ADAMTS12: variants seen among roughly 807,000 people sequenced by gnomAD.
The protein encoded by ADAMTS12 is ADAM metallopeptidase with thrombospondin type 1 motif 12, also known as A disintegrin and metalloproteinase with thrombospondin motifs 12.
A neutral mutation model predicts 167.8 loss-of-function variants in ADAMTS12; 118 were observed. The ratio of observed to expected loss-of-function variants is 0.70; its 90% CI spans 0.61 to 0.82. The LOEUF is 0.82. Ranked by LOEUF, ADAMTS12 falls within the 40% of genes least tolerant of loss-of-function variation. The pLI, the probability that ADAMTS12 is intolerant of heterozygous loss-of-function variation, is 0.00. For missense variants in ADAMTS12, 1,916 were observed against 1,998.8 expected (o/e 0.96, Z 0.79); for synonymous variants, 704 against 716.9 (o/e 0.98, Z 0.29).
chr5:33,700,932 T>G (rs1742980542), intron 3 of ADAMTS12, among the ~76,000 whole-genome samples: 2 of 152,106 alleles, frequency 1.3e-5, no homozygotes. Context: ...TACACGTAAA[T>G]CTCCAAATTC....
chr5:33,692,535 C>T (rs966769073), intron 3 of ADAMTS12, among the ~76,000 whole-genome samples: 2 of 152,174 alleles, frequency 1.3e-5, no homozygotes, highest in African/African-American at 2.4e-5. Context: ...TACTCAGTAA[C>T]AATATTTTAA....
intron 16 of ADAMTS12, among the ~76,000 whole-genome samples, chr5:33,597,173 G>T (rs1478304872): frequency 6.6e-6 from 1 of 152,198 alleles, no homozygotes; most frequent in African/African-American, 2.4e-5. Context: ...CACTGACTTT[G>T]ATAACTAGGA....
chr5:33,726,769 A>C (rs534679899), intron 3 of ADAMTS12, among the ~76,000 whole-genome samples: 5 of 152,208 alleles, frequency 3.3e-5, no homozygotes, highest in Admixed American at 3.3e-4. Flanking sequence ...TCAAATATGC[A>C]AGTGCAGAGG....
chr5:33,664,417 A>ATTTATT (rs1741392605), intron 5 of ADAMTS12, among the ~76,000 whole-genome samples: 1 of 152,166 alleles, frequency 6.6e-6, no homozygotes, highest in South Asian at 2.1e-4. Flanking sequence ...AATTCACTGA[A>ATTTATT]GGAAAGACAG....
intron 3 of ADAMTS12, among the ~76,000 whole-genome samples, chr5:33,726,886 A>G (rs986595535): frequency 4.6e-5 from 7 of 150,844 alleles, no homozygotes; most frequent in Admixed American, 2.6e-4. Context: ...AAGCCATGTG[A>G]ATGCATCCTT....
At chr5:33,744,883 T>C (rs1051687062) in intron 3 of ADAMTS12, among the ~76,000 whole-genome samples, 1 of 152,228 alleles carries the variant, frequency 6.6e-6, no homozygotes, top group Non-Finnish European at 1.5e-5. Context: ...AGCATGATTA[T>C]AGCTCACTGC....
chr5:33,658,239 T>C lies in ADAMTS12; in HGVS notation c.1135A>G (p.Asn379Asp). The change falls in exon 7 of 24, where the codon AAT (asparagine) becomes GAT (aspartate). Residue 379 changes from asparagine (N) to aspartate (D), a missense_variant. Physicochemically the swap from Asn to Asp is conservative, Grantham distance 23. Coordinates refer to ENST00000504830, the MANE Select transcript of ADAMTS12 (RefSeq NM_030955.4). ...MCQPHRSCNI[N>D]EDSGLPLAFT... ...GCCAGAGGGAGTCCCGAATCTTCAT[T>C]GATGTTACAACTGCGGTGAGGCTGA... 6.2e-7 allele frequency: 1 copy of C among 1,613,698 alleles called. No individual in the cohort carries two copies. Among genetic ancestry groups the C allele is most frequent in the Admixed American group, 1.7e-5 (1 of 59,966 alleles).
At chr5:33,545,755 G>A (rs1242791909) in intron 22 of ADAMTS12, among the ~76,000 whole-genome samples, 6 of 149,526 alleles carry the variant, frequency 4.0e-5, no homozygotes, top group Non-Finnish European at 5.9e-5. Context: ...GCAAACTATC[G>A]CAAGGACAAA....
intron 2 of ADAMTS12, among the ~76,000 whole-genome samples, chr5:33,758,170 T>C (rs958112369): frequency 1.3e-5 from 2 of 152,204 alleles, no homozygotes; most frequent in Non-Finnish European, 2.9e-5. Context: ...ATTATGCTAA[T>C]ATGCTACTAC....
At chr5:33,742,799 G>A (rs1744641361) in intron 3 of ADAMTS12, among the ~76,000 whole-genome samples, 1 of 152,134 alleles carries the variant, frequency 6.6e-6, no homozygotes, top group South Asian at 2.1e-4. Flanking sequence ...TCATGACTAT[G>A]GCCAGCTCTG....
chr5:33,706,327 G>A (rs1335477677), intron 3 of ADAMTS12, among the ~76,000 whole-genome samples: 1 of 152,108 alleles, frequency 6.6e-6, no homozygotes, highest in Non-Finnish European at 1.5e-5. Flanking sequence ...TTGTGTGGGA[G>A]TCTAAGTCTC....
At chr5:33,869,515 G>C (rs1749957719) in intron 2 of ADAMTS12, among the ~76,000 whole-genome samples, 1 of 152,140 alleles carries the variant, frequency 6.6e-6, no homozygotes, top group South Asian at 2.1e-4. Context: ...GTGAGAAAAG[G>C]AGAAATTTTA....
chr5:33,813,302 T>C (rs768018431), intron 2 of ADAMTS12, among the ~76,000 whole-genome samples: 1 of 152,238 alleles, frequency 6.6e-6, no homozygotes, highest in Non-Finnish European at 1.5e-5. Context: ...AATTCTCTGA[T>C]AACAACTTGT....
At chr5:33,717,407 T>C (rs1743653636) in intron 3 of ADAMTS12, among the ~76,000 whole-genome samples, 1 of 152,202 alleles carries the variant, frequency 6.6e-6, no homozygotes. Context: ...TGCCAGATCC[T>C]ATCAGAAGTG....
intron 6 of ADAMTS12, 148 bp downstream of exon 6, chr5:33,661,768 G>A (rs1268588193): frequency 2.7e-6 from 3 of 1,106,046 alleles, no homozygotes; most frequent in South Asian, 1.7e-5. Flanking sequence ...TGATAGGGAA[G>A]TCAGGAGTTG....
At chr5:33,655,468 C>G (rs1741019032) in intron 7 of ADAMTS12, among the ~76,000 whole-genome samples, 1 of 152,058 alleles carries the variant, frequency 6.6e-6, no homozygotes, top group East Asian at 1.9e-4. Flanking sequence ...TAAGGTTCAA[C>G]TGCTCAGAGT....
chr5:33,582,807 TAA>T (rs1046583624), intron 18 of ADAMTS12, among the ~76,000 whole-genome samples: 3 of 152,232 alleles, frequency 2.0e-5, no homozygotes, highest in Admixed American at 2.0e-4. Context: ...ACTTTTGCTA[TAA>T]AAAACATTTG....
chr5:33,766,084 T>C (rs2112417389), intron 2 of ADAMTS12, among the ~76,000 whole-genome samples: 1 of 152,300 alleles, frequency 6.6e-6, no homozygotes, highest in East Asian at 1.9e-4. Flanking sequence ...TTCCAAATAG[T>C]TTAATCTTCT....
intron 3 of ADAMTS12, among the ~76,000 whole-genome samples, chr5:33,712,069 T>A (rs191156548): frequency 6.6e-6 from 1 of 152,246 alleles, no homozygotes; most frequent in East Asian, 1.9e-4. Context: ...TTGTTCTACC[T>A]CAGTTTACTC....
Sources: gnomAD v4.1 joint callset for allele counts (sites outside exome capture counted in the v4.1 genomes callset) on GRCh38, gnomAD v4.1.1 for gene constraint, MANE v1.5 for transcripts, NCBI Gene and HGNC (gene_info 2026-07-23, HGNC 2026-07-21) for gene names.